Variants in DNAAF9 observed in about 807,000 individuals in gnomAD.
DNAAF9 encodes shulin.
In DNAAF9, 90 loss-of-function variants were observed where a neutral mutation model predicts 167.0. That is an observed-to-expected ratio of 0.54 (90% CI 0.45 to 0.64). DNAAF9 has a LOEUF of 0.64. DNAAF9 is among the 30% of genes least tolerant of loss of function. The probability of loss-of-function intolerance (pLI) is 0.00; values close to 1 mark genes in which losing one functional copy is unlikely to be tolerated. For missense variants in DNAAF9, 1,315 were observed against 1,442.2 expected (o/e 0.91, Z 1.43); for synonymous variants, 491 against 508.8 (o/e 0.96, Z 0.47).
At chr20:3,301,378 G>A (rs966653635) in intron 21 of DNAAF9, among the ~76,000 whole-genome samples, 1 of 152,054 alleles carries the variant, frequency 6.6e-6, no homozygotes. Context: ...AGTAGAGACG[G>A]CATTTCACCA....
At chr20:3,395,544 T>C (rs1252112428) in intron 1 of DNAAF9, among the ~76,000 whole-genome samples, 1 of 152,108 alleles carries the variant, frequency 6.6e-6, no homozygotes, top group Admixed American at 6.5e-5. Flanking sequence ...CCTCCTAAAG[T>C]GCTGGGGTTA....
At chr20:3,351,116 A>C (rs1435587238) in intron 7 of DNAAF9, among the ~76,000 whole-genome samples, 1 of 152,186 alleles carries the variant, frequency 6.6e-6, no homozygotes, top group Non-Finnish European at 1.5e-5. Flanking sequence ...AACTGATTAA[A>C]CCTCTAGATT....
At chr20:3,297,952 A>C in intron 22 of DNAAF9, 77 bp downstream of exon 22, 1 of 1,186,768 alleles carries the variant, frequency 8.4e-7, no homozygotes, top group South Asian at 1.3e-5. Context: ...GTTAGCCCCA[A>C]AATGATGCCT....
chr20:3,341,551 C>A (rs1431238478), intron 9 of DNAAF9, among the ~76,000 whole-genome samples: 1 of 152,210 alleles, frequency 6.6e-6, no homozygotes, highest in Non-Finnish European at 1.5e-5. Context: ...CACCCAGGTA[C>A]CCAGCCATCT....
chr20:3,306,297 A>G (rs2069291525), intron 20 of DNAAF9, among the ~76,000 whole-genome samples: 1 of 151,996 alleles, frequency 6.6e-6, no homozygotes. Flanking sequence ...GAGCCTTCAC[A>G]GTCATTGGTA....
rs889136498 is a variant in DNAAF9, at chr20:3,251,354, T to G, written c.*1218A>C. ...TTCCTAAGGCATGCAAAAAAAAATA[T>G]GTGAAATTCAGAAAACATTTACAGT... On this transcript the variant is annotated 3_prime_UTR_variant, in exon 37 of 37. Coordinates refer to ENST00000252032, the MANE Select transcript of DNAAF9 (RefSeq NM_001009984.3). The G allele has an allele frequency of 1.3e-5, 2 of 151,888 alleles. No homozygotes were observed. The highest frequency in any genetic ancestry group is 4.1e-4 in the South Asian group (2 of 4,820). 9.4% of individuals were successfully genotyped at this position (151,888 alleles called of 1,614,324 possible).
intron 22 of DNAAF9, 34 bp downstream of exon 22, chr20:3,297,995 A>G (rs1454822848): frequency 6.4e-7 from 1 of 1,559,602 alleles, no homozygotes; most frequent in Non-Finnish European, 8.8e-7. Context: ...AAAAAAAAGT[A>G]GTAGTAGTTT....
intron 6 of DNAAF9, among the ~76,000 whole-genome samples, chr20:3,368,858 G>C (rs139114619): frequency 3.0e-4 from 42 of 141,714 alleles, no homozygotes; most frequent in African/African-American, 1.1e-3. Context: ...TCCAGGCTGG[G>C]TGCAGGTGGC....
intron 7 of DNAAF9, among the ~76,000 whole-genome samples, chr20:3,355,340 C>T (rs891746996): frequency 1.3e-5 from 2 of 152,036 alleles, no homozygotes; most frequent in Admixed American, 1.3e-4. Flanking sequence ...TTTGGGAGGC[C>T]GAGGCAGGCA....
chr20:3,318,658 T>A (rs1231941433), intron 16 of DNAAF9, among the ~76,000 whole-genome samples: 1 of 152,140 alleles, frequency 6.6e-6, no homozygotes, highest in East Asian at 1.9e-4. Context: ...TTCCGTATAT[T>A]CCCTCAAATT....
chr20:3,349,204 C>CAAA (rs56109511), intron 7 of DNAAF9, among the ~76,000 whole-genome samples: 7 of 85,544 alleles, frequency 8.2e-5, no homozygotes, highest in African/African-American at 3.5e-4. Flanking sequence ...AAAAAAAAAA[C>CAAA]AAAAAAAAAA....
At chr20:3,331,612 G>T (rs1332262498) in intron 11 of DNAAF9, among the ~76,000 whole-genome samples, 3 of 152,116 alleles carry the variant, frequency 2.0e-5, no homozygotes, top group Non-Finnish European at 4.4e-5. Flanking sequence ...TTCCTCACAA[G>T]AACAGTCCAG....
chr20:3,391,928 A>G (rs1031328186), intron 1 of DNAAF9, among the ~76,000 whole-genome samples: 1 of 152,030 alleles, frequency 6.6e-6, no homozygotes, highest in African/African-American at 2.4e-5. Flanking sequence ...ACAGTGGCTC[A>G]TGTCTGTAAT....
At chr20:3,372,407 A>C (rs1023098760) in intron 6 of DNAAF9, among the ~76,000 whole-genome samples, 4 of 152,256 alleles carry the variant, frequency 2.6e-5, no homozygotes, top group African/African-American at 9.6e-5. Flanking sequence ...AGGGACCTAG[A>C]GAAGACCTAT....
At chr20:3,384,512 T>A (rs1267290290) in intron 1 of DNAAF9, 1 of 149,524 alleles carries the variant, frequency 6.7e-6, no homozygotes. Context: ...AAATCCATCA[T>A]GAATATAAAT....
intron 6 of DNAAF9, among the ~76,000 whole-genome samples, chr20:3,365,305 T>C (rs1600864282): frequency 2.6e-5 from 4 of 152,134 alleles, no homozygotes; most frequent in African/African-American, 7.2e-5. Context: ...ACAATGAAGT[T>C]TGTCACATCA....
chr20:3,395,125 G>A (rs2083887499), intron 1 of DNAAF9, among the ~76,000 whole-genome samples: 1 of 148,636 alleles, frequency 6.7e-6, no homozygotes, highest in Non-Finnish European at 1.5e-5. Context: ...GCGCCACCAT[G>A]CCCGGCTAAT....
At chr20:3,285,376 T>C (rs1366904255) in intron 27 of DNAAF9, among the ~76,000 whole-genome samples, 49 of 150,384 alleles carry the variant, frequency 3.3e-4, no homozygotes, top group South Asian at 2.1e-4. Flanking sequence ...GGGAGACCCA[T>C]CTCTAAAAAC....
rs2070058666 is a variant in DNAAF9 at position 3,340,491 on chromosome 20, T to A, written c.981+13A>T. 1 of 1,309,992 alleles carries A rather than the reference T, an allele frequency of 7.6e-7. No homozygotes were observed. Among genetic ancestry groups the A allele is most frequent in the African/African-American group, 1.8e-5 (1 of 56,260 alleles). 81.1% of individuals were successfully genotyped at this position (1,309,992 alleles called of 1,614,324 possible). A position where few individuals can be genotyped will look rare whatever the true frequency, so the allele number is the denominator to read the frequency against. On this transcript the variant is annotated intron_variant, in intron 10 of 36. Transcript: ENST00000252032. ...ATAAAACTAATCAAGCACCAGGCAG[T>A]CCAGCCACTTACCATGTGCTTGGCA...
Sources: gnomAD v4.1 joint callset for allele counts (sites outside exome capture counted in the v4.1 genomes callset) on GRCh38, gnomAD v4.1.1 for gene constraint, MANE v1.5 for transcripts, NCBI Gene and HGNC (gene_info 2026-07-23, HGNC 2026-07-21) for gene names.